BMPER: variants seen among roughly 807,000 people sequenced by gnomAD.
BMPER encodes BMP-binding endothelial regulator protein.
A neutral mutation model predicts 87.3 loss-of-function variants in BMPER; 45 were observed. The observed-to-expected ratio is 0.52, with a 90% CI of 0.41 to 0.66. BMPER has a LOEUF of 0.66. Among genes scored for constraint, BMPER ranks in the 30% least tolerant of loss-of-function variants. BMPER has a pLI of 0.00. For missense variants in BMPER, 784 were observed against 867.5 expected, an observed-to-expected ratio of 0.90 and a Z score of 1.21; for synonymous variants, 326 against 316.2, an observed-to-expected ratio of 1.03 and a Z score of -0.33.
chr7:33,997,582 A>G (rs757112752), intron 6 of BMPER, among the ~76,000 whole-genome samples: 6 of 152,148 alleles, frequency 3.9e-5, no homozygotes, highest in Admixed American at 1.3e-4. Flanking sequence ...CTCCTCAGCC[A>G]TGTAGAAGTG....
At chr7:33,960,225 G>T (rs1272488100) in intron 3 of BMPER, among the ~76,000 whole-genome samples, 5 of 152,174 alleles carry the variant, frequency 3.3e-5, no homozygotes, top group African/African-American at 1.2e-4. Flanking sequence ...CCAAAAATAA[G>T]CACAATTGCC....
chr7:33,993,134 C>T (rs1786279015), intron 6 of BMPER, among the ~76,000 whole-genome samples: 1 of 132,440 alleles, frequency 7.6e-6, no homozygotes, highest in Non-Finnish European at 1.6e-5. Context: ...TTGTGGCGTT[C>T]TCTGTATTTC....
intron 11 of BMPER, among the ~76,000 whole-genome samples, chr7:34,073,113 C>G (rs1468124859): frequency 6.6e-6 from 1 of 151,720 alleles, no homozygotes; most frequent in Admixed American, 6.6e-5. Context: ...AAAATATGTT[C>G]TCAAATTAAT....
At chr7:33,998,856 C>T (rs1786497537) in intron 6 of BMPER, among the ~76,000 whole-genome samples, 1 of 152,174 alleles carries the variant, frequency 6.6e-6, no homozygotes, top group South Asian at 2.1e-4. Context: ...AGAAGCCAAA[C>T]AACTTTCTTT....
At chr7:34,113,965 A>G (rs1440857456) in intron 13 of BMPER, among the ~76,000 whole-genome samples, 1 of 152,046 alleles carries the variant, frequency 6.6e-6, no homozygotes, top group Non-Finnish European at 1.5e-5. Context: ...TGTGATTGAG[A>G]GTATTGGTGC....
intron 6 of BMPER, among the ~76,000 whole-genome samples, chr7:34,013,833 T>G (rs1185332668): frequency 6.6e-6 from 1 of 151,914 alleles, no homozygotes; most frequent in Non-Finnish European, 1.5e-5. Flanking sequence ...CCATCAGTGG[T>G]TATTGCCTAC....
chr7:34,119,043 C>T (rs986028174), intron 13 of BMPER, among the ~76,000 whole-genome samples: 8 of 151,564 alleles, frequency 5.3e-5, no homozygotes, highest in Non-Finnish European at 8.8e-5. Context: ...CACACGCACT[C>T]GATACGATGA....
chr7:34,024,406 T>A lies in BMPER; in HGVS notation c.577-21900T>A, dbSNP rs1287527936. Among the ~76,000 whole-genome samples the A allele has an allele frequency of 2.8e-4, 12 of 43,366 alleles. 1 individual carries two copies. Among genetic ancestry groups the A allele is most frequent in the African/African-American group, 9.4e-4 (11 of 11,760 alleles). 28.4% of individuals were successfully genotyped at this position (43,366 alleles called of 152,430 possible). On this transcript the variant is annotated intron_variant, in intron 6 of 14. Transcript: ENST00000649409. ...AACAATATATATATATATATATATA[T>A]ATATATATATATATATATATATATA... is the stretch of plus-strand genomic sequence containing the variant.
intron 2 of BMPER, among the ~76,000 whole-genome samples, chr7:33,932,315 A>T (rs1221919647): frequency 6.6e-6 from 1 of 152,230 alleles, no homozygotes; most frequent in South Asian, 2.1e-4. Context: ...CAGTCACACT[A>T]CCTGGCCTGT....
At chr7:34,129,998 G>A (rs1257078370) in intron 13 of BMPER, among the ~76,000 whole-genome samples, 2 of 151,740 alleles carry the variant, frequency 1.3e-5, no homozygotes, top group Non-Finnish European at 2.9e-5. Context: ...TCAGGAATTT[G>A]GCTACTAGCA....
At chr7:34,078,779 C>T in intron 11 of BMPER, 78 bp from the exon 12 acceptor site, 1 of 1,454,738 alleles carries the variant, frequency 6.9e-7, no homozygotes, top group Non-Finnish European at 9.7e-7. Context: ...CTTCCCCTTA[C>T]CCAGCAGGTG....
chr7:33,928,538 A>G (rs1057405595), intron 2 of BMPER, among the ~76,000 whole-genome samples: 2 of 148,860 alleles, frequency 1.3e-5, no homozygotes, highest in East Asian at 2.0e-4. Flanking sequence ...CAGAATGAGG[A>G]GCTGTTTGAC....
intron 13 of BMPER, among the ~76,000 whole-genome samples, chr7:34,102,200 G>A (rs1367064366): frequency 2.0e-5 from 3 of 151,956 alleles, no homozygotes; most frequent in East Asian, 3.9e-4. Flanking sequence ...GTGGGGTCAT[G>A]GTCCTCCTCC....
chr7:33,973,998 C>T (rs1393059915), intron 5 of BMPER, among the ~76,000 whole-genome samples: 4 of 152,138 alleles, frequency 2.6e-5, no homozygotes, highest in African/African-American at 4.8e-5. Context: ...GCCACAGTCC[C>T]TTTAACAGAG....
intron 7 of BMPER, among the ~76,000 whole-genome samples, chr7:34,049,029 C>G (rs1173363661): frequency 1.3e-5 from 2 of 152,192 alleles, no homozygotes; most frequent in Non-Finnish European, 2.9e-5. Flanking sequence ...TCTAATTAGA[C>G]TTTAGATGAT....
chr7:34,056,309 G>A (rs781310321), intron 9 of BMPER, among the ~76,000 whole-genome samples: 4 of 152,084 alleles, frequency 2.6e-5, no homozygotes, highest in Non-Finnish European at 5.9e-5. Flanking sequence ...ACTAGGTGAT[G>A]GGTTGATAGG....
At chr7:33,924,824 G>C (rs1481626663) in intron 2 of BMPER, among the ~76,000 whole-genome samples, 1 of 151,992 alleles carries the variant, frequency 6.6e-6, no homozygotes, top group African/African-American at 2.4e-5. Flanking sequence ...CGCGCCACCA[G>C]CTAATTTTTG....
At chr7:34,103,559 C>T (rs7456704) in intron 13 of BMPER, among the ~76,000 whole-genome samples, 148 of 152,280 alleles carry the variant, frequency 9.7e-4, no homozygotes, top group African/African-American at 3.2e-3. Context: ...CCCCTAGCAT[C>T]GTATGCACTT....
intron 6 of BMPER, among the ~76,000 whole-genome samples, chr7:34,020,469 C>T (rs1787149598): frequency 6.6e-6 from 1 of 151,850 alleles, no homozygotes; most frequent in Non-Finnish European, 1.5e-5. Context: ...TGATTAAATT[C>T]TAGTGGTAAG....
Sources: allele counts gnomAD v4.1 joint callset (sites outside exome capture counted in the v4.1 genomes callset), GRCh38; gene constraint gnomAD v4.1.1; transcripts MANE v1.5; gene names NCBI Gene and HGNC (gene_info 2026-07-23, HGNC 2026-07-21).